The following DCDC2 variants were observed in gnomAD, a reference collection of about 807,000 sequenced individuals.
The protein encoded by DCDC2 is doublecortin domain-containing protein 2.
DCDC2 carries 40 observed loss-of-function variants against 50.2 expected under a neutral mutation model. The observed-to-expected ratio is 0.80, with a 90% CI of 0.62 to 1.04. The LOEUF is 1.04. Ranked by LOEUF, DCDC2 falls within the 50% of genes least tolerant of loss-of-function variation. The probability of loss-of-function intolerance (pLI) is 0.00; values close to 1 mark genes in which losing one functional copy is unlikely to be tolerated. For missense variants in DCDC2, 570 were observed against 581.9 expected, an observed-to-expected ratio of 0.98 and a Z score of 0.21; for synonymous variants, 234 against 210.6, an observed-to-expected ratio of 1.11 and a Z score of -0.96.
intron 7 of DCDC2, among the ~76,000 whole-genome samples, chr6:24,215,820 G>A (rs964762533): frequency 6.6e-5 from 10 of 152,216 alleles, no homozygotes; most frequent in African/African-American, 2.4e-4. Flanking sequence ...GCACACCGCA[G>A]GTCCTGGATG....
At chr6:24,367,952 C>T in the DCDC2 span, among the ~76,000 whole-genome samples, 1 of 151,658 alleles carries the variant, frequency 6.6e-6, no homozygotes, top group Non-Finnish European at 1.5e-5. Context: ...TTTAAAATGA[C>T]CAAAGGTTTT....
chr6:24,344,738 A>G (rs1760224529), intron 2 of DCDC2, among the ~76,000 whole-genome samples: 1 of 152,236 alleles, frequency 6.6e-6, no homozygotes, highest in Non-Finnish European at 1.5e-5. Context: ...ACACAGTTCA[A>G]TGCTGACAAA....
chr6:24,325,960 C>T (rs1393037718), intron 2 of DCDC2, among the ~76,000 whole-genome samples: 1 of 149,002 alleles, frequency 6.7e-6, no homozygotes, highest in African/African-American at 2.4e-5. Context: ...TTCTTCCTTC[C>T]CCACACCCAT....
intron 2 of DCDC2, among the ~76,000 whole-genome samples, chr6:24,352,289 G>A (rs1760388213): frequency 6.6e-6 from 1 of 152,130 alleles, no homozygotes; most frequent in Non-Finnish European, 1.5e-5. Flanking sequence ...CCAATTTCAT[G>A]CAAGGTAGTA....
At chr6:24,295,657 T>C (rs190158592) in intron 4 of DCDC2, among the ~76,000 whole-genome samples, 15 of 152,216 alleles carry the variant, frequency 9.9e-5, no homozygotes, top group Admixed American at 4.6e-4. Flanking sequence ...CAAAAATCAG[T>C]AGCATTCCTA....
intron 7 of DCDC2, among the ~76,000 whole-genome samples, chr6:24,258,906 C>T (rs970969006): frequency 2.0e-5 from 3 of 152,292 alleles, no homozygotes; most frequent in Non-Finnish European, 4.4e-5. Context: ...GGAACTTGTG[C>T]TATAAAACCT....
At chr6:24,279,263 G>A (rs1763420825) in intron 6 of DCDC2, among the ~76,000 whole-genome samples, 1 of 152,114 alleles carries the variant, frequency 6.6e-6, no homozygotes, top group Non-Finnish European at 1.5e-5. Flanking sequence ...CAGCTACCTA[G>A]GAGGCAGAGG....
chr6:24,363,848 T>C, the DCDC2 span, among the ~76,000 whole-genome samples: 1 of 152,186 alleles, frequency 6.6e-6, no homozygotes. Flanking sequence ...TCCTGAAAGG[T>C]CGCTGAAAAC....
Position 24,357,729 on chromosome 6 carries a change from A to G in DCDC2, c.22T>C (p.Ser8Pro), listed in dbSNP as rs936122381. The G allele has an allele frequency of 6.2e-7, 1 of 1,612,474 alleles. No homozygotes were observed. The highest frequency in any genetic ancestry group is 8.5e-7 in the Non-Finnish European group (1 of 1,179,452). Residue 8 changes from serine (S) to proline (P), a missense_variant, in exon 1 of 10, where the codon TCC becomes CCC. By Grantham distance (74) the Ser-to-Pro change is moderately conservative. Transcript: ENST00000378454. MSGSSAR[S>P]SHLSQPVVKS... ...ACGACGGGCTGAGACAGGTGGCTGG[A>G]CCTGGCGCTGCTGCCGCTCATCTTC... is the stretch of plus-strand genomic sequence containing the variant.
At chr6:24,356,893 AC>A (rs1381686441) in intron 1 of DCDC2, 1 of 152,226 alleles carries the variant, frequency 6.6e-6, no homozygotes, top group African/African-American at 2.4e-5. Flanking sequence ...CAGCCAGTAA[AC>A]TCTTCCTGCA....
At chr6:24,358,120 A>G (rs556844602), upstream of DCDC2, 4 of 580,350 alleles carry the variant, frequency 6.9e-6, no homozygotes, top group East Asian at 1.2e-4. Context: ...GGCAGGAGAG[A>G]GGAGGACGCA....
At chr6:24,273,681 T>A (rs1763288998) in intron 7 of DCDC2, among the ~76,000 whole-genome samples, 1 of 152,228 alleles carries the variant, frequency 6.6e-6, no homozygotes, top group Non-Finnish European at 1.5e-5. Context: ...CTGGGAACCA[T>A]GCAAGTGCCT....
chr6:24,259,380 T>C (rs375516382), intron 7 of DCDC2, among the ~76,000 whole-genome samples: 3 of 152,200 alleles, frequency 2.0e-5, no homozygotes, highest in African/African-American at 7.2e-5. Context: ...TGATGGTCTT[T>C]AGAGTAAATA....
intron 9 of DCDC2, among the ~76,000 whole-genome samples, chr6:24,176,501 T>A (rs757596667): frequency 6.6e-6 from 1 of 152,208 alleles, no homozygotes; most frequent in Non-Finnish European, 1.5e-5. Context: ...TTGTCATAAT[T>A]GGCAAATAAA....
At chr6:24,381,282 GTATA>G in the DCDC2 span, among the ~76,000 whole-genome samples, 3 of 152,068 alleles carry the variant, frequency 2.0e-5, no homozygotes, top group Admixed American at 6.6e-5. Context: ...ATTTCAAGTA[GTATA>G]TCAGATAATA....
chr6:24,370,930 G>GA, the DCDC2 span, among the ~76,000 whole-genome samples: 3 of 151,786 alleles, frequency 2.0e-5, no homozygotes, highest in African/African-American at 4.8e-5. Flanking sequence ...AATACAGAAG[G>GA]AAAAAAACCC....
intron 8 of DCDC2, among the ~76,000 whole-genome samples, chr6:24,182,677 G>T (rs954079670): frequency 7.0e-6 from 1 of 142,476 alleles, no homozygotes; most frequent in Non-Finnish European, 1.5e-5. Context: ...AGGATGTGGA[G>T]AAACTGGAAC....
chr6:24,299,441 T>C (rs893911877), intron 4 of DCDC2, among the ~76,000 whole-genome samples: 10 of 152,136 alleles, frequency 6.6e-5, no homozygotes, highest in Admixed American at 5.2e-4. Context: ...AATATACCCA[T>C]GTAACAAACC....
intron 7 of DCDC2, among the ~76,000 whole-genome samples, chr6:24,232,002 T>TACAC (rs1330622339): frequency 5.5e-4 from 39 of 70,382 alleles, no homozygotes; most frequent in Middle Eastern, 0.013. Context: ...TTCATATATA[T>TACAC]ATACACACAC....
Sources: allele counts gnomAD v4.1 joint callset (sites outside exome capture counted in the v4.1 genomes callset), GRCh38; gene constraint gnomAD v4.1.1; transcripts MANE v1.5; gene names NCBI Gene and HGNC (gene_info 2026-07-23, HGNC 2026-07-21).